The following PLEKHJ1 variants were observed in gnomAD, a reference collection of about 807,000 sequenced individuals.
The protein encoded by PLEKHJ1 is pleckstrin homology domain-containing family J member 1.
In PLEKHJ1, 20 loss-of-function variants were observed where a neutral mutation model predicts 21.7. The observed-to-expected ratio is 0.92, with a 90% CI of 0.65 to 1.34. The LOEUF (loss-of-function observed/expected upper bound fraction) is 1.34, where lower values mean the gene tolerates loss of function less well. Ranked by LOEUF, PLEKHJ1 falls within the 40% of genes most tolerant of loss-of-function variation. The pLI is 0.00. For missense variants in PLEKHJ1, 241 were observed against 202.0 expected (o/e 1.19, Z -1.17); for synonymous variants, 113 against 80.6 (o/e 1.40, Z -2.15).
At chr19:2,232,946 A>G (rs1599641578), downstream of PLEKHJ1, among the ~76,000 whole-genome samples, 1 of 152,100 alleles carries the variant, frequency 6.6e-6, no homozygotes, top group African/African-American at 2.4e-5. Flanking sequence ...GCAGGACCCC[A>G]GGTCACCACA....
chr19:2,235,540 G>C (rs1230507199), intron 3 of PLEKHJ1: 1 of 583,080 alleles, frequency 1.7e-6, no homozygotes, highest in Admixed American at 3.0e-5. Context: ...GCAGAGTCTG[G>C]GAGGGACCCA....
chr19:2,232,907 C>T (rs1287676408), downstream of PLEKHJ1, among the ~76,000 whole-genome samples: 1 of 152,214 alleles, frequency 6.6e-6, no homozygotes, highest in Non-Finnish European at 1.5e-5. Flanking sequence ...GCCCCAGCCA[C>T]ACTCCGGGAG....
At chr19:2,232,832 A>G (rs377039286), downstream of PLEKHJ1, among the ~76,000 whole-genome samples, 24 of 152,308 alleles carry the variant, frequency 1.6e-4, no homozygotes, top group African/African-American at 5.5e-4. Context: ...ACGGAAAACC[A>G]GATCTGCGAC....
At chr19:2,232,179 G>A (rs1265311266), downstream of PLEKHJ1, 4 of 223,936 alleles carry the variant, frequency 1.8e-5, no homozygotes, top group Non-Finnish European at 2.7e-5. Flanking sequence ...GGCGGGCGGC[G>A]CCTGGGAGTG....
downstream of PLEKHJ1, chr19:2,231,196 C>T (rs902963109): frequency 3.5e-5 from 8 of 227,996 alleles, no homozygotes; most frequent in Non-Finnish European, 7.0e-5. Context: ...AGTCTGAGCT[C>T]CCCGCATCTG....
rs775597482 is a variant in PLEKHJ1, at chr19:2,236,006, G to A, written c.95-16C>T. The A allele has an allele frequency of 4.1e-5, 65 of 1,598,304 alleles. No homozygotes were observed. Among genetic ancestry groups the A allele is most frequent in the African/African-American group, 1.5e-4 (11 of 72,696 alleles). On this transcript the variant is annotated splice_polypyrimidine_tract_variant and intron_variant, in intron 1 of 5. Coordinates refer to ENST00000326631, the MANE Select transcript of PLEKHJ1 (RefSeq NM_018049.3). ...CGCTTCAGCACTGCGGGCACAGCGC[G>A]CACTCAGGGGCGCAGGCAGCCCCCG...
downstream of PLEKHJ1, chr19:2,230,576 G>C (rs548054763): frequency 5.0e-6 from 2 of 398,732 alleles, no homozygotes; most frequent in Admixed American, 8.8e-5. Context: ...CATGCCCTGC[G>C]ATGCGGGGCA....
At position 2,236,172 on chromosome 19, in the gene PLEKHJ1, C is replaced by T. The variant is rs758141304; in HGVS notation, c.77G>A (p.Gly26Asp). 3 of 1,481,116 alleles carry T rather than the reference C, an allele frequency of 2.0e-6. No homozygotes were observed. The highest frequency in any genetic ancestry group is 2.6e-5 in the South Asian group (2 of 76,296). 91.7% of individuals were successfully genotyped at this position (1,481,116 alleles called of 1,614,324 possible). ...CCGCTCACCGCTGCCCTTCTTGGGGCCCCTCATGCCCAGCTCGGCCGCCAT... is the reference window on the plus strand; with the variant it reads ...CCGCTCACCGCTGCCCTTCTTGGGGTCCCTCATGCCCAGCTCGGCCGCCAT... ...AEMAAELGMR[G>D]PKKGSVLKRR... Residue 26 changes from glycine to aspartate, a missense_variant, in exon 1 of 6, where the codon GGC becomes GAC. Transcript: ENST00000326631.
chr19:2,235,749 T>C lies in PLEKHJ1; in HGVS notation c.229+13A>G, dbSNP rs1314310443. 1.3e-6 allele frequency: 2 copies of C among 1,547,346 alleles called. No individual in the cohort carries two copies. The highest frequency in any genetic ancestry group is 1.7e-6 in the Non-Finnish European group (2 of 1,145,758). Reference sequence around the variant, plus strand: ...CTGCGGGAAGCGCCGCTGGCTTCCCTAGCCCCACTCACTGATGGAGAAGGT... The same window carrying C: ...CTGCGGGAAGCGCCGCTGGCTTCCCCAGCCCCACTCACTGATGGAGAAGGT... On this transcript the variant is annotated intron_variant, in intron 3 of 5. Transcript: ENST00000326631.
downstream of PLEKHJ1, chr19:2,231,748 GAAC>G (rs2024607759): frequency 4.7e-6 from 1 of 213,628 alleles, no homozygotes; most frequent in Non-Finnish European, 9.5e-6. Context: ...CCCTGGTCTA[GAAC>G]AAGACACATT....
At chr19:2,236,081 C>A in intron 1 of PLEKHJ1, 74 bp downstream of exon 1, 1 of 1,417,114 alleles carries the variant, frequency 7.1e-7, no homozygotes, top group African/African-American at 1.5e-5. Context: ...ACTCCGGCCT[C>A]CGGCACCCCC....
chr19:2,232,146 G>A (rs1289598104), downstream of PLEKHJ1: 7 of 220,590 alleles, frequency 3.2e-5, no homozygotes, highest in East Asian at 6.6e-5. Context: ...GGGGACCTGT[G>A]CTGCTGCTGC....
In PLEKHJ1 at chr19:2,236,213, G is replaced by A. The variant is rs918553815; in HGVS notation, c.36C>T (p.Ser12=). Residue 12 remains serine, a synonymous_variant, in exon 1 of 6, where the codon TCC becomes TCT. Coordinates refer to ENST00000326631, the MANE Select transcript of PLEKHJ1 (RefSeq NM_018049.3). The part of the protein sequence containing the change: ...RYNEKELQAL[S]RQPAEMAAEL... ...CGGCCGCCATCTCGGCCGGCTGCCGGGACAGAGCCTGCAGCTCCTTCTCGT... is the reference window on the plus strand; with the variant it reads ...CGGCCGCCATCTCGGCCGGCTGCCGAGACAGAGCCTGCAGCTCCTTCTCGT... 9 of 1,474,054 alleles carry A rather than the reference G, an allele frequency of 6.1e-6. No individual in the cohort carries two copies. In the African/African-American group the frequency reaches 1.0e-4, roughly 17 times the overall value. 91.3% of individuals were successfully genotyped at this position (1,474,054 alleles called of 1,614,324 possible).
Position 2,235,703 on chromosome 19 carries a change from C to A in PLEKHJ1, c.229+59G>T, listed in dbSNP as rs2286332. 96 of 1,472,258 alleles carry A rather than the reference C, an allele frequency of 6.5e-5. No homozygotes were observed. The East Asian group carries it at 1.8e-3, about 28-fold the overall frequency. 91.2% of individuals were successfully genotyped at this position (1,472,258 alleles called of 1,614,324 possible). ...TTGGGCGCCCGGGGAGGGGAAAGTG[C>A]GGCGCTGCGGGTGCCCCGGGCTGCG... On this transcript the variant is annotated intron_variant, in intron 3 of 5. Transcript: ENST00000326631.
Position 2,235,790 on chromosome 19 carries a change from G to A in PLEKHJ1, c.201C>T (p.Val67=). ...GALLLERCRV[V]REEPGTFSIS... ...TGGAGAAGGTGCCGGGCTCTTCCCG[G>A]ACGACTCTGCAGCGCTCCAGCAGCA... Residue 67 remains valine (V), a synonymous_variant, in exon 3 of 6, where the codon GTC becomes GTT. Transcript: ENST00000326631. 1 of 1,550,128 alleles carries A rather than the reference G, an allele frequency of 6.5e-7. No individual in the cohort carries two copies. Among genetic ancestry groups the A allele is most frequent in the Non-Finnish European group, 8.7e-7 (1 of 1,147,112 alleles).
At position 2,234,205 on chromosome 19, in the gene PLEKHJ1, CAA is replaced by C; in HGVS notation, c.263_264del (p.Phe88Ter). The C allele has an allele frequency of 1.2e-6, 2 of 1,613,190 alleles. No individual in the cohort carries two copies. The highest frequency in any genetic ancestry group is 1.7e-6 in the Non-Finnish European group (2 of 1,180,014). ...TGACACTGCTCCTCGCTGCTGCACT[CAA>C]AGTGATACTTCCTCTCAGGGTCCTC... ...FIEDPERKYHFECSSEEQCQE... is the reference protein window; with the variant it reads ...FIEDPERKYHXECSSEEQCQE... On this transcript the variant is annotated frameshift_variant, in exon 4 of 6. Transcript: ENST00000326631. LOFTEE classifies it high-confidence loss of function.
At chr19:2,235,531 CAG>C in intron 3 of PLEKHJ1, 2 of 562,152 alleles carry the variant, frequency 3.6e-6, no homozygotes, top group South Asian at 4.6e-5. Context: ...GAACAAAGAG[CAG>C]AGTCTGGGAG....
chr19:2,230,854 C>T (rs2024568754), downstream of PLEKHJ1: 2 of 348,884 alleles, frequency 5.7e-6, no homozygotes, highest in Non-Finnish European at 1.0e-5. Context: ...GCTGCCGGCG[C>T]CCCTGCCTGC....
Position 2,233,777 on chromosome 19 carries a change from A to C in PLEKHJ1, c.*63T>G. ...AACAAAACAGATCCAGGCATGGCCA[A>C]GCGATTCATGGCTGGGCAGGGCCAG... On this transcript the variant is annotated 3_prime_UTR_variant, in exon 6 of 6. Transcript: ENST00000326631. 1 of 1,460,864 alleles carries C rather than the reference A, an allele frequency of 6.8e-7. No individual in the cohort carries two copies. Among genetic ancestry groups the C allele is most frequent in the Non-Finnish European group, 9.3e-7 (1 of 1,075,226 alleles). 90.5% of individuals were successfully genotyped at this position (1,460,864 alleles called of 1,614,324 possible). A position where few individuals can be genotyped will look rare whatever the true frequency, so the allele number is the denominator to read the frequency against.
Sources: allele counts gnomAD v4.1 joint callset (sites outside exome capture counted in the v4.1 genomes callset), GRCh38; gene constraint gnomAD v4.1.1; transcripts MANE v1.5; gene names NCBI Gene and HGNC (gene_info 2026-07-23, HGNC 2026-07-21).